Variants in BTK observed in about 807,000 individuals in gnomAD.
BTK encodes Bruton tyrosine kinase, also known as tyrosine-protein kinase BTK.
Under a neutral mutation model 57.4 loss-of-function variants are expected in BTK, and 5 were observed. That is an observed-to-expected ratio of 0.09 (90% confidence interval 0.05 to 0.18). BTK has a LOEUF of 0.18. Ranked by LOEUF, BTK falls within the 10% of genes least tolerant of loss-of-function variation. The pLI is 1.00. For missense variants in BTK, 194 were observed against 501.2 expected (o/e 0.39, Z 5.85); for synonymous variants, 154 against 174.3 (o/e 0.88, Z 0.92).
At chrX:101,370,273 G>A (rs965882837) in intron 4 of BTK, among the ~76,000 whole-genome samples, 194 bp from the exon 5 acceptor site, 25 of 112,109 alleles carry the variant, frequency 2.2e-4, no homozygotes, top group African/African-American at 8.1e-4. Context: ...ATCTAGGAAT[G>A]TAGCGTTTAA....
At chrX:101,355,703 G>T (rs1296153450) in intron 15 of BTK, 1 of 290,937 alleles carries the variant, frequency 3.4e-6, no homozygotes, top group Admixed American at 4.9e-5. Context: ...TGACTCTGAA[G>T]GAACCAAATG....
intron 1 of BTK, among the ~76,000 whole-genome samples, chrX:101,378,615 A>C (rs1465209304): frequency 9.0e-6 from 1 of 110,937 alleles, no homozygotes; most frequent in Non-Finnish European, 1.9e-5. Context: ...AAATAGACAC[A>C]GAGCTCTTCA....
intron 3 of BTK, among the ~76,000 whole-genome samples, chrX:101,372,710 G>A (rs781914048): frequency 1.1e-4 from 12 of 108,753 alleles, no homozygotes; most frequent in African/African-American, 3.7e-4. Flanking sequence ...CTCCCAAAGT[G>A]CTGGGATTAC....
chrX:101,353,194 C>A lies in BTK; in HGVS notation c.1908G>T (p.Glu636Asp). 1 of 1,208,939 alleles carries A rather than the reference C, an allele frequency of 8.3e-7. No homozygotes were observed. Among genetic ancestry groups the A allele is most frequent in the African/African-American group, 1.7e-5 (1 of 57,494 alleles). Residue 636 changes from glutamate (E) to aspartate (D), a missense_variant and splice_region_variant, in exon 18 of 19, where the codon GAG (glutamate) becomes GAT (aspartate). Transcript: ENST00000308731. ...VYTIMYSCWH[E>D]KADERPTFKI... ...TAAGAGATCCTAATAAAGCACTTAC[C>A]TCATGCCAGCAACTGTACATGATGG...
At chrX:101,350,603 C>T (rs1044251782) in intron 18 of BTK, among the ~76,000 whole-genome samples, 3 of 109,932 alleles carry the variant, frequency 2.7e-5, no homozygotes, top group South Asian at 4.0e-4. Context: ...CACGCCATCA[C>T]GCCCAGCTAA....
intron 5 of BTK, 103 bp downstream of exon 5, chrX:101,369,895 C>A (rs1185010073): frequency 2.7e-6 from 2 of 748,279 alleles, no homozygotes; most frequent in Non-Finnish European, 3.9e-6. Context: ...CTTTCTCTTT[C>A]TTTCTCGTTT....
At chrX:101,373,462 A>G (rs1555980653) in intron 3 of BTK, among the ~76,000 whole-genome samples, 1 of 112,103 alleles carries the variant, frequency 8.9e-6, no homozygotes, top group African/African-American at 3.2e-5. Context: ...ATTAAAGAAT[A>G]TCTATTGTCA....
intron 5 of BTK, among the ~76,000 whole-genome samples, chrX:101,367,225 C>A (rs1414466918): frequency 9.9e-6 from 1 of 101,036 alleles, no homozygotes; most frequent in East Asian, 3.0e-4. Flanking sequence ...GCCTGGGCAA[C>A]AGAGTGAGAC....
chrX:101,365,805 C>T (rs1555979361), intron 5 of BTK, among the ~76,000 whole-genome samples: 2 of 111,725 alleles, frequency 1.8e-5, no homozygotes, highest in Non-Finnish European at 3.8e-5. Flanking sequence ...TTGAGCTTGA[C>T]CAAAGATTCA....
intron 1 of BTK, among the ~76,000 whole-genome samples, chrX:101,379,243 T>C (rs1298116301): frequency 1.8e-5 from 2 of 109,739 alleles, no homozygotes; most frequent in East Asian, 5.6e-4. Context: ...CAGCCTATGA[T>C]TGGGAAGAGT....
chrX:101,350,049 A>G (rs1303125706), intron 18 of BTK, 93 bp from the exon 19 acceptor site: 3 of 602,090 alleles, frequency 5.0e-6, no homozygotes, highest in Non-Finnish European at 8.5e-6. Flanking sequence ...TATTAAATAT[A>G]TGCTCTATGC....
chrX:101,353,194 C>T lies in BTK; in HGVS notation c.1908G>A (p.Glu636=). The T allele has an allele frequency of 1.7e-6, 2 of 1,208,939 alleles. No homozygotes were observed. The highest frequency in any genetic ancestry group is 2.3e-4 in the Middle Eastern group (1 of 4,328). The change falls in exon 18 of 19, where the codon GAG becomes GAA. Residue 636 remains glutamate, a splice_region_variant and synonymous_variant. Coordinates refer to ENST00000308731, the MANE Select transcript of BTK (RefSeq NM_000061.3). ...VYTIMYSCWH[E]KADERPTFKI... is the part of the protein sequence containing the mutation. ...TAAGAGATCCTAATAAAGCACTTAC[C>T]TCATGCCAGCAACTGTACATGATGG...
Position 101,360,130 on chromosome X carries a change from C to T in BTK, c.797G>A (p.Ser266Asn), listed in dbSNP as rs1360098311. 4.1e-6 allele frequency: 5 copies of T among 1,205,734 alleles called. No individual in the cohort carries two copies. In the East Asian group the frequency reaches 8.9e-5, roughly 21 times the overall value. ...GTCTTCTGCTTCAGTGACATAGTTACTAGGAATGTAGCCTTCCTGCCTGTG... is the reference window on the plus strand; with the variant it reads ...GTCTTCTGCTTCAGTGACATAGTTATTAGGAATGTAGCCTTCCTGCCTGTG... Reference protein sequence around the residue: ...DKNGQEGYIPSNYVTEAEDSI... With the variant: ...DKNGQEGYIPNNYVTEAEDSI... The change falls in exon 9 of 19, where the codon AGT becomes AAT. Residue 266 changes from serine to asparagine, a missense_variant. Around this residue, in one of 3 missense-constraint regions of BTK, gnomAD observed 115 missense variants for 258.3 expected, o/e 0.45. Coordinates refer to ENST00000308731, the MANE Select transcript of BTK (RefSeq NM_000061.3).
intron 18 of BTK, among the ~76,000 whole-genome samples, chrX:101,352,207 C>T (rs1416396625): frequency 1.8e-5 from 2 of 108,689 alleles, no homozygotes; most frequent in African/African-American, 3.4e-5. Flanking sequence ...CAGCCAGAAA[C>T]GGTTGGCAGC....
At chrX:101,382,162 A>G in intron 1 of BTK, among the ~76,000 whole-genome samples, 1 of 110,788 alleles carries the variant, frequency 9.0e-6, no homozygotes, top group East Asian at 2.8e-4. Context: ...GATAAGCTTC[A>G]TAGTCAAGGC....
intron 1 of BTK, among the ~76,000 whole-genome samples, chrX:101,385,106 A>G (rs1555982303): frequency 8.9e-6 from 1 of 111,778 alleles, no homozygotes; most frequent in East Asian, 2.8e-4. Flanking sequence ...AGGAAATGGA[A>G]AGGGAAAGGA....
chrX:101,357,943 T>C (rs999437204), intron 12 of BTK, among the ~76,000 whole-genome samples: 12 of 112,106 alleles, frequency 1.1e-4, no homozygotes. Flanking sequence ...TCTGATGTTG[T>C]CTAACCTGTA....
chrX:101,362,283 G>A, intron 6 of BTK, 43 bp from the exon 7 acceptor site: 2 of 1,184,356 alleles, frequency 1.7e-6, no homozygotes, highest in Non-Finnish European at 2.3e-6. Flanking sequence ...TGCACTTTAG[G>A]AAAGGGGCCA....
At chrX:101,351,627 T>G (rs1352454402) in intron 18 of BTK, among the ~76,000 whole-genome samples, 1 of 111,426 alleles carries the variant, frequency 9.0e-6, no homozygotes, top group East Asian at 2.8e-4. Context: ...AGTTGAGCAT[T>G]TATTTCCTAC....
Sources: gnomAD v4.1 joint callset for allele counts (sites outside exome capture counted in the v4.1 genomes callset) on GRCh38, gnomAD v4.1.1 for gene constraint, gnomAD v4.1.1 regional missense constraint, MANE v1.5 for transcripts, NCBI Gene and HGNC (gene_info 2026-07-23, HGNC 2026-07-21) for gene names.